ASAH2: variants seen among roughly 807,000 people sequenced by gnomAD.
ASAH2 encodes the protein N-acylsphingosine amidohydrolase 2.
Under a neutral mutation model 82.9 loss-of-function variants are expected in ASAH2, and 58 were observed. The ratio of observed to expected loss-of-function variants is 0.70; its 90% confidence interval spans 0.57 to 0.87. The LOEUF (loss-of-function observed/expected upper bound fraction) is 0.87, where lower values mean the gene tolerates loss of function less well. ASAH2 is among the 40% of genes least tolerant of loss of function. ASAH2 has a pLI of 0.00. For synonymous variants in ASAH2, 276 were observed against 289.7 expected (o/e 0.95, Z 0.48); for missense variants, 779 against 834.0 (o/e 0.93, Z 0.81).
intron 5 of ASAH2, among the ~76,000 whole-genome samples, chr10:50,235,296 A>G (rs1026892073): frequency 0.04 from 6,159 of 152,124 alleles, 338 homozygotes; most frequent in African/African-American, 0.12. Flanking sequence ...CCTGGAATAC[A>G]ATAAAATGAA....
chr10:50,206,075 A>C lies in ASAH2; in HGVS notation c.1437T>G (p.Phe479Leu). 1 of 1,612,302 alleles carries C rather than the reference A, an allele frequency of 6.2e-7. No homozygotes were observed. Among genetic ancestry groups the C allele is most frequent in the Non-Finnish European group, 8.5e-7 (1 of 1,178,588 alleles). ...FTQGKTEGDP[F>L]WDTIRDQILG... ...GGATCTGGTCCCGAATGGTGTCCCA[A>C]AATGGATCCCCTTCTGTTTTCCCTA... The change falls in exon 13 of 21, where the codon TTT becomes TTG. Residue 479 changes from phenylalanine to leucine, a missense_variant. This residue lies in a region of ASAH2 where 759 missense variants were observed against 755.2 expected (regional missense o/e 1.00). Coordinates refer to ENST00000682911, the MANE Select transcript of ASAH2 (RefSeq NM_019893.4).
intron 8 of ASAH2, among the ~76,000 whole-genome samples, chr10:50,216,875 C>A (rs1316005666): frequency 1.3e-5 from 2 of 152,208 alleles, no homozygotes; most frequent in Non-Finnish European, 2.9e-5. Context: ...AGAAAACTCT[C>A]TTCTTTTCCC....
chr10:50,204,968 A>C lies in ASAH2; in HGVS notation c.1531-13T>G, dbSNP rs1845257715. On this transcript the variant is annotated splice_polypyrimidine_tract_variant and intron_variant, in intron 13 of 20. Coordinates refer to ENST00000682911, the MANE Select transcript of ASAH2 (RefSeq NM_019893.4). ...GAGGTTTTGATAGCTGAGAACCCAAAACAAGAAAATTATGTTAGGGATAAC... is the reference window on the plus strand; with the variant it reads ...GAGGTTTTGATAGCTGAGAACCCAACACAAGAAAATTATGTTAGGGATAAC... 1 of 1,580,386 alleles carries C rather than the reference A, an allele frequency of 6.3e-7. No homozygotes were observed. The highest frequency in any genetic ancestry group is 1.4e-5 in the African/African-American group (1 of 73,580).
chr10:50,224,314 T>A (rs2133217413), intron 7 of ASAH2, among the ~76,000 whole-genome samples: 1 of 152,264 alleles, frequency 6.6e-6, no homozygotes, highest in East Asian at 1.9e-4. Context: ...CTACTGCTGC[T>A]GCAGCTGCAG....
rs7097319 is a variant in ASAH2, at chr10:50,245,393, A to G, written c.189T>C (p.Ala63=). ...QSPPATQGST[A]AQRSTATQHS... ...GCTGGGTGGCTGTGGAGCGTTGGGCAGCTGTGGAGCCCTGGGTGGCTGGAG... is the reference window on the plus strand; with the variant it reads ...GCTGGGTGGCTGTGGAGCGTTGGGCGGCTGTGGAGCCCTGGGTGGCTGGAG... Residue 63 remains alanine, a synonymous_variant, in exon 3 of 21, where the codon GCT becomes GCC. Coordinates refer to ENST00000682911, the MANE Select transcript of ASAH2 (RefSeq NM_019893.4). The G allele has an allele frequency of 0.13, 210,107 of 1,613,610 alleles. 23,752 individuals carry two copies. The highest frequency in any genetic ancestry group is 0.53 in the African/African-American group (39,329 of 74,794).
chr10:50,240,544 C>T (rs1846267837), intron 4 of ASAH2: 1 of 702,130 alleles, frequency 1.4e-6, no homozygotes, highest in Non-Finnish European at 2.6e-6. Context: ...TTCTCAGAGT[C>T]CATATCACCC....
intron 9 of ASAH2, among the ~76,000 whole-genome samples, chr10:50,213,608 A>G (rs1845519360): frequency 6.6e-6 from 1 of 152,150 alleles, no homozygotes; most frequent in Non-Finnish European, 1.5e-5. Flanking sequence ...ATGGATAAAC[A>G]TATTTTGTAG....
At chr10:50,198,704 A>G (rs1163312078) in intron 17 of ASAH2, among the ~76,000 whole-genome samples, 2 of 152,034 alleles carry the variant, frequency 1.3e-5, no homozygotes, top group African/African-American at 4.8e-5. Context: ...TTCATCACTT[A>G]TCTTCAAGCC....
rs1030022685 is a variant in ASAH2 at position 50,202,894 on chromosome 10, T to C, written c.1696A>G (p.Thr566Ala). ...EFASHGMQNM[T>A]VVISGLCNVY... ...TTGCATAGACCTGAAATAACAACAGTCATGTTCTGCATCCCATGAGATGCA... is the reference window on the plus strand; with the variant it reads ...TTGCATAGACCTGAAATAACAACAGCCATGTTCTGCATCCCATGAGATGCA... The change falls in exon 16 of 21, where the codon ACT becomes GCT. Residue 566 changes from threonine to alanine, a missense_variant. Thr to Ala is a moderately conservative substitution (Grantham distance 58, BLOSUM62 0). This residue lies in a region of ASAH2 where 759 missense variants were observed against 755.2 expected (regional missense o/e 1.00). Coordinates refer to ENST00000682911, the MANE Select transcript of ASAH2 (RefSeq NM_019893.4). 60 of 1,611,836 alleles carry C rather than the reference T, an allele frequency of 3.7e-5. No individual in the cohort carries two copies. The African/African-American group carries it at 7.1e-4, about 19-fold the overall frequency.
chr10:50,196,225 A>G (rs1844978173), intron 18 of ASAH2, among the ~76,000 whole-genome samples: 1 of 151,894 alleles, frequency 6.6e-6, no homozygotes, highest in African/African-American at 2.4e-5. Context: ...CATTCTATTG[A>G]AGGTTCTAGC....
At chr10:50,221,408 C>A (rs1320577388) in intron 7 of ASAH2, among the ~76,000 whole-genome samples, 2 of 152,156 alleles carry the variant, frequency 1.3e-5, no homozygotes, top group African/African-American at 4.8e-5. Context: ...CCATTACAAT[C>A]AAAGAAAAAC....
intron 13 of ASAH2, among the ~76,000 whole-genome samples, chr10:50,205,769 A>G (rs1693562255): frequency 6.6e-6 from 1 of 151,926 alleles, no homozygotes; most frequent in Admixed American, 6.6e-5. Context: ...GTATTTATTA[A>G]TCATAAGTGC....
In ASAH2 at chr10:50,245,311, G is replaced by A. The variant is rs771397769; in HGVS notation, c.271C>T (p.Pro91Ser). The A allele has an allele frequency of 1.2e-6, 2 of 1,613,970 alleles. No homozygotes were observed. The highest frequency in any genetic ancestry group is 1.7e-6 in the Non-Finnish European group (2 of 1,180,012). ...ATQTSPVPLT[P>S]ESPLFQNFSG... ...AAGTTCTGAAATAGAGGAGACTCTG[G>A]GGTTAAAGGCACTGGAGAAGTTTGA... Residue 91 changes from proline (P) to serine (S), a missense_variant, in exon 3 of 21, where the codon CCA becomes TCA. Coordinates refer to ENST00000682911, the MANE Select transcript of ASAH2 (RefSeq NM_019893.4).
At position 50,211,139 on chromosome 10, in the gene ASAH2, A is replaced by C; in HGVS notation, c.1228-5T>G. 1.2e-6 allele frequency: 2 copies of C among 1,602,658 alleles called. No individual in the cohort carries two copies. The highest frequency in any genetic ancestry group is 1.7e-6 in the Non-Finnish European group (2 of 1,169,770). On this transcript the variant is annotated splice_region_variant and splice_polypyrimidine_tract_variant and intron_variant, in intron 10 of 20. Transcript: ENST00000682911. ...GGAGGCAGAGGCATAGAGTTCCTAGAAAACACACAGGCTTATTATTCCAAG... is the reference window on the plus strand; with the variant it reads ...GGAGGCAGAGGCATAGAGTTCCTAGCAAACACACAGGCTTATTATTCCAAG...
rs754944432 is a variant in ASAH2 at position 50,248,534 on chromosome 10, G to A, written c.77C>T (p.Ala26Val). Residue 26 changes from alanine to valine, a missense_variant, in exon 2 of 21, where the codon GCC becomes GTC. Ala to Val is a moderately conservative substitution (Grantham distance 64). Transcript: ENST00000682911. ...LLVMMSAITV[A>V]LLSLLFITSG... is the part of the protein sequence containing the mutation. ...GGTGATAAACAAGAGGCTGAGAAGGGCCACTGTGATGGCACTCATCATTAC... is the reference window on the plus strand; with the variant it reads ...GGTGATAAACAAGAGGCTGAGAAGGACCACTGTGATGGCACTCATCATTAC... The A allele has an allele frequency of 9.3e-6, 15 of 1,613,678 alleles. No individual in the cohort carries two copies. The highest frequency in any genetic ancestry group is 1.3e-5 in the Non-Finnish European group (15 of 1,179,760).
intron 18 of ASAH2, among the ~76,000 whole-genome samples, chr10:50,194,751 T>C (rs1425006952): frequency 6.6e-6 from 1 of 150,986 alleles, no homozygotes; most frequent in Non-Finnish European, 1.5e-5. Context: ...AGCCCAGAAA[T>C]AAGCCCGCAC....
At chr10:50,237,087 TGAA>T (rs1180370650) in intron 4 of ASAH2, among the ~76,000 whole-genome samples, 50 of 152,072 alleles carry the variant, frequency 3.3e-4, no homozygotes, top group Non-Finnish European at 5.9e-4. Flanking sequence ...GAGGCTGAGA[TGAA>T]GAAAGCAAGT....
chr10:50,194,464 C>T (rs1844922766), intron 18 of ASAH2, among the ~76,000 whole-genome samples: 1 of 151,412 alleles, frequency 6.6e-6, no homozygotes, highest in Non-Finnish European at 1.5e-5. Context: ...ATAAGCTAGG[C>T]ATAAAACATG....
At chr10:50,249,139 G>A (rs901813276) in intron 1 of ASAH2, among the ~76,000 whole-genome samples, 1 of 152,152 alleles carries the variant, frequency 6.6e-6, no homozygotes, top group African/African-American at 2.4e-5. Context: ...ACCTGGAGGT[G>A]AAACCCGTAA....
Sources: gnomAD v4.1 joint callset for allele counts (sites outside exome capture counted in the v4.1 genomes callset) on GRCh38, gnomAD v4.1.1 for gene constraint, gnomAD v4.1.1 regional missense constraint, MANE v1.5 for transcripts, NCBI Gene and HGNC (gene_info 2026-07-23, HGNC 2026-07-21) for gene names.